The following DLGAP1 variants were observed in gnomAD, a reference collection of about 807,000 sequenced individuals.
DLGAP1 encodes the protein disks large-associated protein 1.
In DLGAP1, 11 loss-of-function variants were observed where a neutral mutation model predicts 90.8. The observed-to-expected ratio is 0.12, with a 90% CI of 0.08 to 0.20. DLGAP1 has a LOEUF of 0.20. Ranked by LOEUF, DLGAP1 falls within the 10% of genes least tolerant of loss-of-function variation. The probability of loss-of-function intolerance (pLI) is 1.00; values close to 1 mark genes in which losing one functional copy is unlikely to be tolerated. For synonymous variants in DLGAP1, 558 were observed against 540.7 expected, an observed-to-expected ratio of 1.03 and a Z score of -0.44; for missense variants, 1,050 against 1,333.8, an observed-to-expected ratio of 0.79 and a Z score of 3.31.
chr18:3,695,003 G>A (rs2061042310), intron 7 of DLGAP1, among the ~76,000 whole-genome samples: 1 of 148,630 alleles, frequency 6.7e-6, no homozygotes, highest in Admixed American at 6.8e-5. Flanking sequence ...GCGGTGGCGT[G>A]CTCTTGGCTC....
At chr18:3,959,396 G>A (rs1267304652) in intron 3 of DLGAP1, among the ~76,000 whole-genome samples, 1 of 152,126 alleles carries the variant, frequency 6.6e-6, no homozygotes, top group Non-Finnish European at 1.5e-5. Flanking sequence ...GCCGGGCGTG[G>A]TGGCGCATGT....
chr18:4,048,230 C>T (rs1245218049), intron 2 of DLGAP1, among the ~76,000 whole-genome samples: 2 of 152,118 alleles, frequency 1.3e-5, no homozygotes, highest in African/African-American at 4.8e-5. Context: ...CATATAAAAA[C>T]ATTTTTTCAG....
intron 2 of DLGAP1, among the ~76,000 whole-genome samples, chr18:4,079,660 A>G (rs2075575699): frequency 6.6e-6 from 1 of 151,134 alleles, no homozygotes; most frequent in East Asian, 2.0e-4. Flanking sequence ...GTGACCAAAA[A>G]CCATGTGTAC....
intron 3 of DLGAP1, among the ~76,000 whole-genome samples, chr18:3,910,065 T>C (rs553150199): frequency 6.6e-6 from 1 of 151,558 alleles, no homozygotes; most frequent in South Asian, 2.1e-4. Context: ...TTGCCATTTT[T>C]TTCATGATTA....
rs1341224708 is a variant in DLGAP1, at chr18:3,534,106, G to A, written c.2479+88C>T. On this transcript the variant is annotated intron_variant, in intron 10 of 12. Coordinates refer to ENST00000315677, the MANE Select transcript of DLGAP1 (RefSeq NM_004746.4). ...GGAACGTCAAGGTTATACAAGTGAA[G>A]CTGGCAGAGAAGAAAACAACAAGGT... 3.5e-6 allele frequency: 5 copies of A among 1,420,648 alleles called. No homozygotes were observed. In the African/African-American group the frequency reaches 4.3e-5, roughly 12 times the overall value. 88.0% of individuals were successfully genotyped at this position (1,420,648 alleles called of 1,614,324 possible). A position where few individuals can be genotyped will look rare whatever the true frequency, so the allele number is the denominator to read the frequency against.
intron 4 of DLGAP1, among the ~76,000 whole-genome samples, chr18:3,871,416 G>C (rs1303965913): frequency 6.6e-6 from 1 of 152,000 alleles, no homozygotes; most frequent in Non-Finnish European, 1.5e-5. Flanking sequence ...AACTCTGCCT[G>C]GTCCTTTAAT....
chr18:3,687,919 T>A (rs1420927988), intron 7 of DLGAP1, among the ~76,000 whole-genome samples: 1 of 151,542 alleles, frequency 6.6e-6, no homozygotes, highest in Non-Finnish European at 1.5e-5. Flanking sequence ...TTTTTTTTTT[T>A]TTTTTGAGAC....
intron 3 of DLGAP1, among the ~76,000 whole-genome samples, chr18:3,911,768 C>G (rs1283566539): frequency 6.6e-6 from 1 of 152,244 alleles, no homozygotes; most frequent in Non-Finnish European, 1.5e-5. Flanking sequence ...TAGCACTTCT[C>G]CTTCCTCTCT....
chr18:4,294,052 C>CA (rs889107341), intron 1 of DLGAP1: 1 of 151,900 alleles, frequency 6.6e-6, no homozygotes, highest in Non-Finnish European at 1.5e-5. Context: ...GTATCCCCTC[C>CA]TTTTTTTTCT....
intron 1 of DLGAP1, among the ~76,000 whole-genome samples, chr18:4,350,531 G>A (rs2081384175): frequency 6.6e-6 from 1 of 152,046 alleles, no homozygotes; most frequent in Admixed American, 6.6e-5. Flanking sequence ...ATTAGCCAGT[G>A]AGAATATGTT....
intron 1 of DLGAP1, among the ~76,000 whole-genome samples, chr18:4,151,849 A>G (rs578219858): frequency 6.6e-6 from 1 of 152,140 alleles, no homozygotes; most frequent in Non-Finnish European, 1.5e-5. Flanking sequence ...TAGGACAAAT[A>G]CCTAATGCAT....
intron 3 of DLGAP1, among the ~76,000 whole-genome samples, chr18:3,989,818 T>C (rs912262922): frequency 7.9e-5 from 12 of 151,776 alleles, no homozygotes; most frequent in East Asian, 3.9e-4. Context: ...AAAAAGTGGG[T>C]GAAGGATATG....
chr18:4,035,998 G>T (rs371571843), intron 2 of DLGAP1, among the ~76,000 whole-genome samples: 5 of 152,088 alleles, frequency 3.3e-5, no homozygotes, highest in African/African-American at 9.7e-5. Context: ...CTTAGTACCG[G>T]GAAAACCTAC....
chr18:3,755,027 C>A (rs1434792843), intron 5 of DLGAP1, among the ~76,000 whole-genome samples: 1 of 152,084 alleles, frequency 6.6e-6, no homozygotes, highest in African/African-American at 2.4e-5. Context: ...TAAATTATAA[C>A]TGCTATAATT....
At chr18:4,412,737 G>A (rs779051156) in intron 1 of DLGAP1, among the ~76,000 whole-genome samples, 1 of 152,080 alleles carries the variant, frequency 6.6e-6, no homozygotes, top group Non-Finnish European at 1.5e-5. Context: ...CCAAAGCAAG[G>A]CCAACAACAG....
chr18:3,969,874 A>G (rs528653201), intron 3 of DLGAP1, among the ~76,000 whole-genome samples: 1 of 152,322 alleles, frequency 6.6e-6, no homozygotes, highest in Admixed American at 6.5e-5. Context: ...TAGAATATGT[A>G]AAGGAAAAGA....
At chr18:3,741,702 A>G (rs1418279385) in intron 6 of DLGAP1, among the ~76,000 whole-genome samples, 1 of 152,182 alleles carries the variant, frequency 6.6e-6, no homozygotes, top group Non-Finnish European at 1.5e-5. Flanking sequence ...TGATGATCAC[A>G]GTGTCTTCCA....
chr18:4,439,586 G>T (rs1269552116), intron 1 of DLGAP1, among the ~76,000 whole-genome samples: 1 of 151,856 alleles, frequency 6.6e-6, no homozygotes, highest in African/African-American at 2.4e-5. Flanking sequence ...CAGGAGGATT[G>T]CTAGAGGCCA....
intron 2 of DLGAP1, among the ~76,000 whole-genome samples, chr18:4,020,560 A>T (rs10468648): frequency 0.44 from 67,217 of 151,932 alleles, 15,434 homozygotes; most frequent in African/African-American, 0.56. Flanking sequence ...AAACTGCCTT[A>T]GCAAAAATTA....
Sources: allele counts gnomAD v4.1 joint callset (sites outside exome capture counted in the v4.1 genomes callset), GRCh38; gene constraint gnomAD v4.1.1; transcripts MANE v1.5; gene names NCBI Gene and HGNC (gene_info 2026-07-23, HGNC 2026-07-21).